ACAA2: variants seen among roughly 807,000 people sequenced by gnomAD.
ACAA2 encodes the protein 3-ketoacyl-CoA thiolase, mitochondrial.
Under a neutral mutation model 44.8 loss-of-function variants are expected in ACAA2, and 35 were observed. The ratio of observed to expected loss-of-function variants is 0.78; its 90% CI spans 0.60 to 1.04. ACAA2 has a LOEUF of 1.04. Ranked by LOEUF, ACAA2 falls within the 50% of genes least tolerant of loss-of-function variation. The pLI is 0.00. For synonymous variants in ACAA2, 142 were observed against 166.5 expected (o/e 0.85, Z 1.13); for missense variants, 468 against 482.6 (o/e 0.97, Z 0.28).
At chr18:49,801,814 A>ATATATATCTC (rs1491158195) in intron 2 of ACAA2, among the ~76,000 whole-genome samples, 17 of 135,000 alleles carry the variant, frequency 1.3e-4, no homozygotes, top group African/African-American at 4.6e-4. Context: ...ATATATATAT[A>ATATATATCTC]TCTTATCTTT....
chr18:49,784,664 A>C (rs576284078), intron 9 of ACAA2, among the ~76,000 whole-genome samples: 1 of 152,292 alleles, frequency 6.6e-6, no homozygotes, highest in East Asian at 1.9e-4. Flanking sequence ...AAAATATTCC[A>C]AAAATAGAAG....
Position 49,784,691 on chromosome 18 carries a change from ACTAT to A in ACAA2, c.1109+502_1109+505del, listed in dbSNP as rs151072249. On this transcript the variant is annotated intron_variant, in intron 9 of 9. Transcript: ENST00000285093. ...AAATAGAAGAGCTCCTCCTTCTGGT[ACTAT>A]CTATCAAAACTGAAAAGCACCAAAC... 4.3e-3 allele frequency among the ~76,000 whole-genome samples: 659 copies of A among 152,310 alleles called. 7 individuals carry two copies. The highest frequency in any genetic ancestry group is 0.015 in the African/African-American group (605 of 41,558).
At position 49,801,785 on chromosome 18, in the gene ACAA2, CATATAT is replaced by C. The variant is rs55864039; in HGVS notation, c.183+896_183+901del. ...CATAAGATATATCACAGAAACTGAT[CATATAT>C]ATATATATATATATATATATATATC... On this transcript the variant is annotated intron_variant, in intron 2 of 9. Coordinates refer to ENST00000285093, the MANE Select transcript of ACAA2 (RefSeq NM_006111.3). 5.7e-4 allele frequency among the ~76,000 whole-genome samples: 64 copies of C among 112,224 alleles called. 1 individual carries two copies. In the South Asian group the frequency reaches 5.9e-3, roughly 10 times the overall value. 73.6% of individuals were successfully genotyped at this position (112,224 alleles called of 152,430 possible). A position where few individuals can be genotyped will look rare whatever the true frequency, so the allele number is the denominator to read the frequency against.
intron 1 of ACAA2, among the ~76,000 whole-genome samples, chr18:49,806,039 GAAC>G (rs934491399): frequency 6.6e-6 from 1 of 152,058 alleles, no homozygotes; most frequent in African/African-American, 2.4e-5. Context: ...CAATATATAA[GAAC>G]AACTACTACC....
intron 6 of ACAA2, 123 bp from the exon 7 acceptor site, chr18:49,791,722 A>G: frequency 1.1e-6 from 1 of 928,318 alleles, no homozygotes; most frequent in Non-Finnish European, 1.6e-6. Context: ...ACAGTGTGAG[A>G]TACAATTAGA....
intron 7 of ACAA2, 141 bp from the exon 8 acceptor site, chr18:49,787,502 G>A (rs564541474): frequency 3.1e-4 from 183 of 586,976 alleles, no homozygotes; most frequent in African/African-American, 2.4e-3. Context: ...TACCTTGACC[G>A]TACCTATTAA....
intron 5 of ACAA2, 100 bp downstream of exon 5, chr18:49,794,180 G>T: frequency 1.2e-6 from 1 of 860,966 alleles, no homozygotes; most frequent in Non-Finnish European, 1.6e-6. Context: ...AATTCTTAAA[G>T]GTATGATTTG....
At chr18:49,808,653 G>A (rs1181952243) in intron 1 of ACAA2, among the ~76,000 whole-genome samples, 1 of 152,198 alleles carries the variant, frequency 6.6e-6, no homozygotes, top group South Asian at 2.1e-4. Flanking sequence ...AGGGGAGCAG[G>A]TGTACGAACA....
intron 2 of ACAA2, among the ~76,000 whole-genome samples, chr18:49,800,226 G>T (rs1188525817): frequency 6.9e-6 from 1 of 145,906 alleles, no homozygotes; most frequent in African/African-American, 2.6e-5. Context: ...AGGTGGGGGG[G>T]TCAGCCCCCC....
intron 2 of ACAA2, among the ~76,000 whole-genome samples, chr18:49,798,602 T>C (rs568653899): frequency 6.6e-6 from 1 of 152,294 alleles, no homozygotes; most frequent in East Asian, 1.9e-4. Context: ...TTTAGGATGT[T>C]CATTGTACTA....
intron 1 of ACAA2, among the ~76,000 whole-genome samples, 184 bp downstream of exon 1, chr18:49,813,285 G>C (rs954198022): frequency 6.6e-6 from 1 of 152,236 alleles, no homozygotes; most frequent in African/African-American, 2.4e-5. Context: ...TACAAGTAAG[G>C]GTTTTCTCCT....
intron 9 of ACAA2, among the ~76,000 whole-genome samples, chr18:49,784,183 A>G (rs1314591434): frequency 6.6e-6 from 1 of 152,212 alleles, no homozygotes; most frequent in African/African-American, 2.4e-5. Flanking sequence ...AAAGGAGATG[A>G]GTGGATTTAG....
At chr18:49,784,124 AC>A (rs2023299179) in intron 9 of ACAA2, among the ~76,000 whole-genome samples, 193 bp from the exon 10 acceptor site, 1 of 151,588 alleles carries the variant, frequency 6.6e-6, no homozygotes, top group Non-Finnish European at 1.5e-5. Flanking sequence ...ATCAAAAAAA[AC>A]AAAAAACAAA....
chr18:49,791,656 T>C, intron 6 of ACAA2, 57 bp from the exon 7 acceptor site: 2 of 1,566,686 alleles, frequency 1.3e-6, no homozygotes, highest in Non-Finnish European at 1.7e-6. Flanking sequence ...TTAATCAAAG[T>C]TTGAACTAAT....
intron 7 of ACAA2, among the ~76,000 whole-genome samples, chr18:49,788,917 G>C (rs1026803827): frequency 2.0e-5 from 3 of 152,164 alleles, no homozygotes; most frequent in African/African-American, 7.2e-5. Flanking sequence ...ATAGCTGTGC[G>C]ACTTTGTGCA....
chr18:49,802,210 G>A (rs2023559109), intron 2 of ACAA2, among the ~76,000 whole-genome samples: 1 of 152,202 alleles, frequency 6.6e-6, no homozygotes, highest in Admixed American at 6.5e-5. Flanking sequence ...ATGATGCTTT[G>A]AATTATGCAT....
At position 49,792,295 on chromosome 18, in the gene ACAA2, C is replaced by T. The variant is rs762141148; in HGVS notation, c.610G>A (p.Ala204Thr). The T allele has an allele frequency of 2.9e-5, 46 of 1,613,558 alleles. No homozygotes were observed. The highest frequency in any genetic ancestry group is 2.2e-5 in the East Asian group (1 of 44,890). ...TTCTTTGTCTTCACTTCAATTGGTG[C>T]CATTTCATCATTAAAGTAGCCAGCA... ...NDAGYFNDEMAPIEVKTKKGK... is the reference protein window; with the variant it reads ...NDAGYFNDEMTPIEVKTKKGK... The change falls in exon 6 of 10, where the codon GCA becomes ACA. Residue 204 changes from alanine to threonine, a missense_variant. Coordinates refer to ENST00000285093, the MANE Select transcript of ACAA2 (RefSeq NM_006111.3).
At chr18:49,795,715 T>A (rs952052851) in intron 4 of ACAA2, 50 bp downstream of exon 4, 1 of 1,161,974 alleles carries the variant, frequency 8.6e-7, no homozygotes, top group African/African-American at 1.6e-5. Flanking sequence ...TTAAAAGTAC[T>A]TATATAATGC....
chr18:49,800,826 C>G (rs1368883650), intron 2 of ACAA2, among the ~76,000 whole-genome samples: 1 of 109,720 alleles, frequency 9.1e-6, no homozygotes, highest in Non-Finnish European at 1.9e-5. Context: ...GTCTGCTGAC[C>G]TTCCCTCCAC....
Sources: allele counts gnomAD v4.1 joint callset (sites outside exome capture counted in the v4.1 genomes callset), GRCh38; gene constraint gnomAD v4.1.1; transcripts MANE v1.5; gene names NCBI Gene and HGNC (gene_info 2026-07-23, HGNC 2026-07-21).